SLIT3: variants seen among roughly 807,000 people sequenced by gnomAD.
SLIT3 encodes slit homolog 3 protein.
SLIT3 carries 68 observed loss-of-function variants against 184.0 expected under a neutral mutation model. The observed-to-expected ratio is 0.37, with a 90% CI of 0.30 to 0.45. The LOEUF (loss-of-function observed/expected upper bound fraction) is 0.45, where lower values mean the gene tolerates loss of function less well. SLIT3 is among the 20% of genes least tolerant of loss of function. The probability of loss-of-function intolerance (pLI) is 1.00; values close to 1 mark genes in which losing one functional copy is unlikely to be tolerated. For missense variants in SLIT3, 1,707 were observed against 2,026.0 expected, an observed-to-expected ratio of 0.84 and a Z score of 3.02; for synonymous variants, 831 against 828.6, an observed-to-expected ratio of 1.00 and a Z score of -0.05.
chr5:169,138,682 C>G (rs972233985), intron 4 of SLIT3, among the ~76,000 whole-genome samples: 6 of 152,194 alleles, frequency 3.9e-5, no homozygotes, highest in African/African-American at 1.4e-4. Flanking sequence ...AGAGCTTGTC[C>G]GATGGCACTG....
chr5:168,684,180 G>A (rs757096055), intron 31 of SLIT3, 84 bp from the exon 32 acceptor site: 2 of 1,346,508 alleles, frequency 1.5e-6, no homozygotes, highest in South Asian at 3.6e-5. Context: ...CCTCTTCCAG[G>A]CAGCAGCTTC....
At position 168,686,201 on chromosome 5, in the gene SLIT3, C is replaced by T. The variant is rs76311383; in HGVS notation, c.3315-274G>A. Among the ~76,000 whole-genome samples the T allele has an allele frequency of 4.6e-3, 706 of 152,202 alleles. 4 individuals carry two copies. Among genetic ancestry groups the T allele is most frequent in the African/African-American group, 0.012 (500 of 41,518 alleles). On this transcript the variant is annotated intron_variant, in intron 30 of 35. Coordinates refer to ENST00000519560, the MANE Select transcript of SLIT3 (RefSeq NM_003062.4). ...GGAGGATCGCTTGTGCACAGGAGTG[C>T]GAGTTCAGGCTGCGGAACAGAGCAA...
At chr5:169,219,626 C>T (rs1764557647) in intron 3 of SLIT3, among the ~76,000 whole-genome samples, 2 of 152,134 alleles carry the variant, frequency 1.3e-5, no homozygotes, top group African/African-American at 2.4e-5. Flanking sequence ...CAGCAAGGGG[C>T]TCACCCCACG....
At chr5:168,673,835 TATC>T (rs1761328523) in intron 32 of SLIT3, among the ~76,000 whole-genome samples, 1 of 152,242 alleles carries the variant, frequency 6.6e-6, no homozygotes, top group Admixed American at 6.5e-5. Flanking sequence ...TGCATTTGGC[TATC>T]ATTATTTGTA....
rs70979109 is a variant in SLIT3, at chr5:168,907,979, T to TAGAGAG, written c.414-24649_414-24644dup. On this transcript the variant is annotated intron_variant, in intron 4 of 35. Transcript: ENST00000519560. ...ATATATATATATATATATATATATA[T>TAGAGAG]AGAGAGAGAGAGAGAGAGAGAGAGA... 1.1e-3 allele frequency among the ~76,000 whole-genome samples: 57 copies of TAGAGAG among 50,048 alleles called. 1 individual carries two copies. The highest frequency in any genetic ancestry group is 4.0e-3 in the East Asian group (8 of 2,010). 32.8% of individuals were successfully genotyped at this position (50,048 alleles called of 152,430 possible).
At chr5:168,782,499 T>C (rs1561930159) in intron 12 of SLIT3, among the ~76,000 whole-genome samples, 2 of 152,156 alleles carry the variant, frequency 1.3e-5, no homozygotes, top group Non-Finnish European at 2.9e-5. Context: ...TGGCTGCCCA[T>C]AGAGGATCAC....
At chr5:169,008,540 T>G (rs1756016107) in intron 4 of SLIT3, among the ~76,000 whole-genome samples, 1 of 152,216 alleles carries the variant, frequency 6.6e-6, no homozygotes, top group African/African-American at 2.4e-5. Context: ...TAGCTCCACC[T>G]TTCTATTGAG....
At chr5:168,731,935 G>A (rs1161232656) in intron 20 of SLIT3, among the ~76,000 whole-genome samples, 1 of 152,046 alleles carries the variant, frequency 6.6e-6, no homozygotes, top group Non-Finnish European at 1.5e-5. Flanking sequence ...GTGTAGTATT[G>A]GAAGTCCTCA....
chr5:169,285,689 G>C (rs951675850), intron 1 of SLIT3, among the ~76,000 whole-genome samples: 1 of 152,218 alleles, frequency 6.6e-6, no homozygotes, highest in Non-Finnish European at 1.5e-5. Flanking sequence ...AGACTACTCA[G>C]AGGCCACCAT....
intron 18 of SLIT3, among the ~76,000 whole-genome samples, chr5:168,751,059 G>T (rs1183147894): frequency 6.6e-6 from 1 of 151,874 alleles, no homozygotes; most frequent in Admixed American, 6.6e-5. Context: ...GGGGGAGGGA[G>T]GCTGGGGGAG....
In SLIT3 at chr5:169,077,070, C is replaced by T. The variant is rs1192234995; in HGVS notation, c.413+116409G>A. Among the ~76,000 whole-genome samples the T allele has an allele frequency of 2.6e-5, 4 of 152,172 alleles. No homozygotes were observed. In the East Asian group the frequency reaches 7.7e-4, roughly 29 times the overall value. On this transcript the variant is annotated intron_variant, in intron 4 of 35. Coordinates refer to ENST00000519560, the MANE Select transcript of SLIT3 (RefSeq NM_003062.4). ...TGGATTTTCTTCTGCTTCTGTCCCC[C>T]TGAGACAGCAAGAACAAACTCTCCT...
chr5:169,170,936 T>A (rs756086087), intron 4 of SLIT3, among the ~76,000 whole-genome samples: 2 of 152,200 alleles, frequency 1.3e-5, no homozygotes, highest in African/African-American at 4.8e-5. Context: ...AAAGTCTACC[T>A]GGCAGACATC....
chr5:168,818,307 A>G lies in SLIT3; in HGVS notation c.630-844T>C, dbSNP rs140941910. Among the ~76,000 whole-genome samples, 1,108 of 152,302 alleles carry G rather than the reference A, an allele frequency of 7.3e-3. 18 individuals are homozygous for G. The highest frequency in any genetic ancestry group is 0.025 in the African/African-American group (1,051 of 41,552). On this transcript the variant is annotated intron_variant, in intron 7 of 35. Coordinates refer to ENST00000519560, the MANE Select transcript of SLIT3 (RefSeq NM_003062.4). ...GGATGAATTTCTTGCCCCTGAGTAG[A>G]TAAGAATCCCTGGAGGGATCTGTGT...
intron 4 of SLIT3, among the ~76,000 whole-genome samples, chr5:169,134,216 G>T (rs571215234): frequency 6.6e-6 from 1 of 152,122 alleles, no homozygotes; most frequent in Non-Finnish European, 1.5e-5. Flanking sequence ...ATCATGTTAC[G>T]TCCCTGCTTT....
chr5:169,082,266 T>A (rs1759097507), intron 4 of SLIT3, among the ~76,000 whole-genome samples: 1 of 152,212 alleles, frequency 6.6e-6, no homozygotes, highest in South Asian at 2.1e-4. Flanking sequence ...TTCCCACCAA[T>A]GCAACTCACA....
intron 4 of SLIT3, among the ~76,000 whole-genome samples, chr5:169,160,424 G>A (rs754781821): frequency 2.6e-4 from 40 of 152,194 alleles, no homozygotes; most frequent in Admixed American, 2.0e-4. Context: ...AGAAAAAAGA[G>A]ACGTGTCCAT....
chr5:169,000,997 T>C (rs1755683767), intron 4 of SLIT3, among the ~76,000 whole-genome samples: 1 of 152,248 alleles, frequency 6.6e-6, no homozygotes. Context: ...AGTTTATTAC[T>C]TTGTCATCTT....
intron 4 of SLIT3, among the ~76,000 whole-genome samples, chr5:168,924,510 G>A (rs555030768): frequency 5.1e-5 from 5 of 98,938 alleles, no homozygotes; most frequent in Admixed American, 1.9e-4. Flanking sequence ...GTGTGTGTAT[G>A]TGTGTGTGTG....
intron 4 of SLIT3, among the ~76,000 whole-genome samples, chr5:168,886,883 C>A (rs187468795): frequency 6.6e-6 from 1 of 152,254 alleles, no homozygotes; most frequent in African/African-American, 2.4e-5. Context: ...TCCAAAAACA[C>A]AAGACCAAAG....
Sources: allele counts gnomAD v4.1 joint callset (sites outside exome capture counted in the v4.1 genomes callset), GRCh38; gene constraint gnomAD v4.1.1; transcripts MANE v1.5; gene names NCBI Gene and HGNC (gene_info 2026-07-23, HGNC 2026-07-21).